The following TEX15 variants were observed in gnomAD, a reference collection of about 807,000 sequenced individuals.
TEX15 encodes testis-expressed protein 15.
A neutral mutation model predicts 237.3 loss-of-function variants in TEX15; 171 were observed. The observed-to-expected ratio is 0.72, with a 90% CI of 0.64 to 0.82. The LOEUF is 0.82. Among genes scored for constraint, TEX15 ranks in the 40% least tolerant of loss-of-function variants. The pLI, the probability that TEX15 is intolerant of heterozygous loss-of-function variation, is 0.00. For synonymous variants in TEX15, 1,338 were observed against 1,269.8 expected (o/e 1.05, Z -1.14); for missense variants, 3,750 against 3,646.5 (o/e 1.03, Z -0.73).
At chr8:30,898,669 A>G (rs1808952428) in intron 2 of TEX15, 73 bp downstream of exon 2, 1 of 152,212 alleles carries the variant, frequency 6.6e-6, no homozygotes, top group South Asian at 2.1e-4. Flanking sequence ...TTATAAATCA[A>G]TTGTAAAGTA....
chr8:30,912,012 G>A (rs879739484), intron 1 of TEX15, among the ~76,000 whole-genome samples: 8 of 152,188 alleles, frequency 5.3e-5, no homozygotes, highest in East Asian at 1.9e-4. Context: ...CCTCCACTCA[G>A]CCTTACAACA....
chr8:30,851,426 T>C (rs867858875), intron 7 of TEX15, among the ~76,000 whole-genome samples: 2 of 152,126 alleles, frequency 1.3e-5, no homozygotes, highest in South Asian at 4.1e-4. Flanking sequence ...GGTCAGGAGT[T>C]TGAGACCAGC....
At chr8:30,889,220 A>C (rs1427816348) in intron 2 of TEX15, among the ~76,000 whole-genome samples, 1 of 152,174 alleles carries the variant, frequency 6.6e-6, no homozygotes, top group South Asian at 2.1e-4. Context: ...TGGGAGGCCG[A>C]GGTGGGTGGA....
intron 1 of TEX15, among the ~76,000 whole-genome samples, chr8:30,899,268 G>C (rs751202145): frequency 3.3e-5 from 5 of 152,126 alleles, no homozygotes; most frequent in Non-Finnish European, 7.4e-5. Flanking sequence ...CTTACATACA[G>C]TATCTCATTT....
At chr8:30,871,680 T>C (rs533596267) in intron 4 of TEX15, among the ~76,000 whole-genome samples, 2 of 152,200 alleles carry the variant, frequency 1.3e-5, no homozygotes, top group South Asian at 4.1e-4. Flanking sequence ...CTAACACATA[T>C]ACTTTCAAAA....
intron 2 of TEX15, among the ~76,000 whole-genome samples, chr8:30,888,238 A>AT (rs1036256788): frequency 6.6e-6 from 1 of 151,828 alleles, no homozygotes; most frequent in African/African-American, 2.4e-5. Flanking sequence ...TTTAAAAAGC[A>AT]TTTTTTTCCC....
chr8:30,871,527 G>A (rs930993906), intron 4 of TEX15, among the ~76,000 whole-genome samples: 94 of 152,020 alleles, frequency 6.2e-4, no homozygotes, highest in Non-Finnish European at 1.3e-3. Context: ...TAAAAATAAC[G>A]ACTAGGCTTG....
At chr8:30,857,941 T>C (rs1037082579) in intron 7 of TEX15, among the ~76,000 whole-genome samples, 2 of 152,248 alleles carry the variant, frequency 1.3e-5, no homozygotes, top group Admixed American at 1.3e-4. Context: ...CAAACCACTT[T>C]GGAAAACCAT....
intron 2 of TEX15, chr8:30,888,681 T>C: frequency 7.8e-7 from 1 of 1,285,908 alleles, no homozygotes; most frequent in South Asian, 1.2e-5. Context: ...TATCAACTGC[T>C]TAGTTCCAAC....
In TEX15 at chr8:30,867,389, C is replaced by T; in HGVS notation, c.416G>A (p.Arg139Lys). The T allele has an allele frequency of 6.5e-7, 1 of 1,530,326 alleles. No individual in the cohort carries two copies. The highest frequency in any genetic ancestry group is 8.8e-7 in the Non-Finnish European group (1 of 1,141,954). 94.8% of individuals were successfully genotyped at this position (1,530,326 alleles called of 1,614,324 possible). A position where few individuals can be genotyped will look rare whatever the true frequency, so the allele number is the denominator to read the frequency against. The change falls in exon 5 of 11, where the codon AGA (arginine) becomes AAA (lysine). Residue 139 changes from arginine to lysine, a missense_variant. Physicochemically the swap from Arg to Lys is conservative, Grantham distance 26. Transcript: ENST00000643185. ...AQIYQNGISTRASTLKILGNP... is the reference protein window; with the variant it reads ...AQIYQNGISTKASTLKILGNP... ...TCCTAGTATCTTCAATGTAGATGCT[C>T]TGGTACTTATTCCATTCTGATATAT... is the stretch of plus-strand genomic sequence containing the variant.
intron 7 of TEX15, among the ~76,000 whole-genome samples, chr8:30,857,547 G>C (rs991896187): frequency 1.3e-5 from 2 of 152,066 alleles, no homozygotes; most frequent in Non-Finnish European, 2.9e-5. Flanking sequence ...ATATGTAAAA[G>C]AATTCCTACA....
intron 3 of TEX15, among the ~76,000 whole-genome samples, chr8:30,877,242 G>C (rs1585303394): frequency 6.6e-6 from 1 of 152,192 alleles, no homozygotes; most frequent in Non-Finnish European, 1.5e-5. Flanking sequence ...GCATGTCTGT[G>C]AAAGCATTGC....
At chr8:30,841,227 G>T (rs1807446372) in intron 8 of TEX15, among the ~76,000 whole-genome samples, 2 of 152,128 alleles carry the variant, frequency 1.3e-5, no homozygotes, top group Admixed American at 6.5e-5. Context: ...GCTGCATATA[G>T]GTTTCTTTTC....
At position 30,846,239 on chromosome 8, in the gene TEX15, C is replaced by T. The variant is rs544569114; in HGVS notation, c.3928G>A (p.Asp1310Asn). ...AAATCTTTATGTGGTATGTTCTGATCCCTGGAAGATATATGTAGCTTCCTT... is the reference window on the plus strand; with the variant it reads ...AAATCTTTATGTGGTATGTTCTGATTCCTGGAAGATATATGTAGCTTCCTT... ...SKRKLHISSRDQNIPHKDLRR... is the reference protein window; with the variant it reads ...SKRKLHISSRNQNIPHKDLRR... Residue 1310 changes from aspartate (D) to asparagine (N), a missense_variant, in exon 8 of 11, where the codon GAT becomes AAT. Physicochemically the swap from Asp to Asn is conservative, Grantham distance 23 (BLOSUM62 1). Coordinates refer to ENST00000643185, the MANE Select transcript of TEX15 (RefSeq NM_001350162.2). 2.5e-5 allele frequency: 41 copies of T among 1,613,426 alleles called. No homozygotes were observed. Among genetic ancestry groups the T allele is most frequent in the East Asian group, 6.7e-5 (3 of 44,860 alleles).
At chr8:30,894,298 G>C (rs1808851299) in intron 2 of TEX15, among the ~76,000 whole-genome samples, 3 of 152,050 alleles carry the variant, frequency 2.0e-5, no homozygotes, top group Non-Finnish European at 4.4e-5. Context: ...GGGCAACATA[G>C]CAATGTAGCA....
intron 8 of TEX15, 110 bp from the exon 9 acceptor site, chr8:30,840,074 A>G: frequency 1.8e-6 from 1 of 571,302 alleles, no homozygotes; most frequent in South Asian, 5.0e-5. Flanking sequence ...GCCATCATCT[A>G]AAGTTAAACT....
intron 9 of TEX15, among the ~76,000 whole-genome samples, chr8:30,838,619 A>G (rs1194058612): frequency 6.6e-6 from 1 of 151,478 alleles, no homozygotes; most frequent in African/African-American, 2.4e-5. Flanking sequence ...GACAGTCTCA[A>G]GCAGCTGAGA....
chr8:30,908,039 C>A (rs1225549836), intron 1 of TEX15, among the ~76,000 whole-genome samples: 1 of 151,932 alleles, frequency 6.6e-6, no homozygotes, highest in Admixed American at 6.6e-5. Flanking sequence ...AGCAACCTAC[C>A]CCCTCTACCC....
rs552676694 is a variant in TEX15 at position 30,909,762 on chromosome 8, G to C, written c.-86+3117C>G. Among the ~76,000 whole-genome samples the C allele has an allele frequency of 9.2e-5, 14 of 152,172 alleles. No individual in the cohort carries two copies. In the South Asian group the frequency reaches 2.9e-3, roughly 32 times the overall value. On this transcript the variant is annotated intron_variant, in intron 1 of 10. Coordinates refer to ENST00000643185, the MANE Select transcript of TEX15 (RefSeq NM_001350162.2). ...ACCACAGAACATCAATTTTAAACAT[G>C]CTTAATTGAACAAAAAAATTAGTTC...
Sources: allele counts gnomAD v4.1 joint callset (sites outside exome capture counted in the v4.1 genomes callset), GRCh38; gene constraint gnomAD v4.1.1; transcripts MANE v1.5; gene names NCBI Gene and HGNC (gene_info 2026-07-23, HGNC 2026-07-21).